Variants in SYT13 observed in about 807,000 individuals in gnomAD.
SYT13 encodes synaptotagmin-13.
Under a neutral mutation model 38.6 loss-of-function variants are expected in SYT13, and 21 were observed. The ratio of observed to expected loss-of-function variants is 0.54; its 90% CI spans 0.39 to 0.78. The LOEUF is 0.78. SYT13 is among the 30% of genes least tolerant of loss of function. The pLI, the probability that SYT13 is intolerant of heterozygous loss-of-function variation, is 0.00. For synonymous variants in SYT13, 241 were observed against 237.6 expected, an observed-to-expected ratio of 1.01 and a Z score of -0.13; for missense variants, 495 against 548.7, an observed-to-expected ratio of 0.90 and a Z score of 0.98.
At chr11:45,268,062 C>A (rs1854906465) in intron 1 of SYT13, among the ~76,000 whole-genome samples, 3 of 152,150 alleles carry the variant, frequency 2.0e-5, no homozygotes, top group Admixed American at 2.0e-4. Context: ...CTCACTGCCT[C>A]CAGCCGGTAC....
chr11:45,247,475 C>A (rs1274594356), intron 4 of SYT13, among the ~76,000 whole-genome samples: 1 of 152,182 alleles, frequency 6.6e-6, no homozygotes, highest in Non-Finnish European at 1.5e-5. Context: ...GCTTGTCCCT[C>A]CAGATGTCAC....
At chr11:45,264,551 G>T (rs4462326) in intron 1 of SYT13, among the ~76,000 whole-genome samples, 1 of 152,134 alleles carries the variant, frequency 6.6e-6, no homozygotes, top group Non-Finnish European at 1.5e-5. Flanking sequence ...GGAGGTAGAG[G>T]TTGCCCCAGT....
At chr11:45,250,543 T>C (rs1348311611) in intron 4 of SYT13, among the ~76,000 whole-genome samples, 1 of 152,230 alleles carries the variant, frequency 6.6e-6, no homozygotes, top group Non-Finnish European at 1.5e-5. Flanking sequence ...CAGGGGAGTC[T>C]CTGCATCTCG....
chr11:45,284,300 C>G (rs1855108885), intron 1 of SYT13, among the ~76,000 whole-genome samples: 1 of 152,172 alleles, frequency 6.6e-6, no homozygotes, highest in Non-Finnish European at 1.5e-5. Flanking sequence ...TAAAACTTCT[C>G]TAGCTGTGCA....
At chr11:45,254,122 G>T in intron 3 of SYT13, 148 bp downstream of exon 3, 1 of 853,104 alleles carries the variant, frequency 1.2e-6, no homozygotes, top group Non-Finnish European at 1.6e-6. Context: ...GGAAATCTTT[G>T]TGTCTAAGCT....
At chr11:45,255,212 C>G (rs376432238) in intron 2 of SYT13, among the ~76,000 whole-genome samples, 4 of 152,118 alleles carry the variant, frequency 2.6e-5, no homozygotes, top group African/African-American at 7.2e-5. Context: ...ATTAAGCATT[C>G]TATGTGTGTT....
chr11:45,250,568 T>C (rs1854660720), intron 4 of SYT13, among the ~76,000 whole-genome samples: 2 of 152,226 alleles, frequency 1.3e-5, no homozygotes, highest in Non-Finnish European at 2.9e-5. Context: ...AAAGCTAGTT[T>C]ACTAGTTTAA....
intron 1 of SYT13, among the ~76,000 whole-genome samples, chr11:45,273,773 T>C (rs1854977941): frequency 6.6e-6 from 1 of 152,256 alleles, no homozygotes; most frequent in Non-Finnish European, 1.5e-5. Context: ...ATGTTCCCCT[T>C]TTCATTCTAA....
At chr11:45,285,799 G>A in intron 1 of SYT13, 1 of 717,320 alleles carries the variant, frequency 1.4e-6, no homozygotes, top group East Asian at 2.8e-5. Flanking sequence ...CCACAAGCTC[G>A]CCGCTCCCTA....
chr11:45,275,467 T>C (rs2135908606), intron 1 of SYT13, among the ~76,000 whole-genome samples: 1 of 152,336 alleles, frequency 6.6e-6, no homozygotes, highest in South Asian at 2.1e-4. Flanking sequence ...ATTAGCAGAT[T>C]TCAGAAAGCA....
intron 4 of SYT13, among the ~76,000 whole-genome samples, chr11:45,250,288 A>T (rs897895426): frequency 3.9e-5 from 6 of 152,230 alleles, no homozygotes; most frequent in African/African-American, 1.4e-4. Flanking sequence ...AAAGTATGAT[A>T]ATTATTAGGA....
chr11:45,276,891 T>C (rs75231216), intron 1 of SYT13, among the ~76,000 whole-genome samples: 2,011 of 152,218 alleles, frequency 0.013, 43 homozygotes, highest in African/African-American at 0.046. Flanking sequence ...CCCAGCAATC[T>C]CACTCCTAGG....
chr11:45,280,932 C>G (rs1051416046), intron 1 of SYT13, among the ~76,000 whole-genome samples: 1 of 152,234 alleles, frequency 6.6e-6, no homozygotes, highest in African/African-American at 2.4e-5. Flanking sequence ...GGCTGGCTCA[C>G]GCCTGTAATC....
intron 1 of SYT13, 139 bp downstream of exon 1, chr11:45,285,886 T>C: frequency 1.2e-6 from 1 of 830,132 alleles, no homozygotes; most frequent in Non-Finnish European, 1.7e-6. Flanking sequence ...TGACCTGTCC[T>C]CCAACGCGTC....
chr11:45,250,972 G>T (rs1197428176), intron 4 of SYT13, among the ~76,000 whole-genome samples: 2 of 152,058 alleles, frequency 1.3e-5, no homozygotes, highest in Non-Finnish European at 2.9e-5. Flanking sequence ...TTCCTGAACT[G>T]CTATGACCCT....
intron 1 of SYT13, among the ~76,000 whole-genome samples, chr11:45,260,450 T>C (rs1854800932): frequency 6.6e-6 from 1 of 152,118 alleles, no homozygotes; most frequent in South Asian, 2.1e-4. Context: ...AGAGGGAGCC[T>C]GGGAGAGGGT....
intron 1 of SYT13, among the ~76,000 whole-genome samples, chr11:45,263,935 C>T (rs147980963): frequency 4.6e-5 from 7 of 152,296 alleles, no homozygotes; most frequent in East Asian, 1.9e-4. Flanking sequence ...AGATAACTCA[C>T]GCAGAGCTCT....
chr11:45,262,431 AC>A (rs1458764218), intron 1 of SYT13, among the ~76,000 whole-genome samples: 1 of 152,150 alleles, frequency 6.6e-6, no homozygotes, highest in Non-Finnish European at 1.5e-5. Flanking sequence ...ATGAATTAAT[AC>A]CACTGAACTG....
At chr11:45,274,706 T>G (rs928911357) in intron 1 of SYT13, among the ~76,000 whole-genome samples, 1 of 152,220 alleles carries the variant, frequency 6.6e-6, no homozygotes, top group African/African-American at 2.4e-5. Flanking sequence ...TTACCCAACC[T>G]TATCTGCATC....
Sources: gnomAD v4.1 joint callset for allele counts (sites outside exome capture counted in the v4.1 genomes callset) on GRCh38, gnomAD v4.1.1 for gene constraint, MANE v1.5 for transcripts, NCBI Gene and HGNC (gene_info 2026-07-23, HGNC 2026-07-21) for gene names.